KMT2C: variants seen among roughly 807,000 people sequenced by gnomAD.
KMT2C encodes the protein lysine methyltransferase 2C, also known as histone-lysine N-methyltransferase 2C.
A neutral mutation model predicts 507.9 loss-of-function variants in KMT2C; 88 were observed. That is an observed-to-expected ratio of 0.17 (90% confidence interval 0.15 to 0.21). KMT2C has a LOEUF of 0.21. Among genes scored for constraint, KMT2C ranks in the 10% least tolerant of loss-of-function variants. The pLI, the probability that KMT2C is intolerant of heterozygous loss-of-function variation, is 1.00. For missense variants in KMT2C, 4,954 were observed against 5,957.8 expected (o/e 0.83, Z 5.55); for synonymous variants, 2,049 against 2,080.8 (o/e 0.98, Z 0.42).
chr7:152,255,120 T>TACATATATATATATATATATATATATAC (rs1554583676), intron 9 of KMT2C, among the ~76,000 whole-genome samples: 1 of 103,024 alleles, frequency 9.7e-6, no homozygotes, highest in East Asian at 2.6e-4. Flanking sequence ...TATATATATA[T>TACATATATATATATATATATATATATAC]ATATATATAT....
At chr7:152,224,323 T>C (rs183519539) in intron 19 of KMT2C, 112 bp downstream of exon 19, 9 of 1,283,120 alleles carry the variant, frequency 7.0e-6, no homozygotes, top group East Asian at 2.4e-5. Flanking sequence ...GTATCTATCA[T>C]AGAATATGTG....
intron 1 of KMT2C, among the ~76,000 whole-genome samples, chr7:152,401,599 G>A (rs2097574134): frequency 6.6e-6 from 1 of 152,256 alleles, no homozygotes; most frequent in Non-Finnish European, 1.5e-5. Flanking sequence ...GCTGAGGTAG[G>A]AGAATAGCTT....
At chr7:152,334,412 A>G (rs1391412097) in intron 2 of KMT2C, among the ~76,000 whole-genome samples, 1 of 152,212 alleles carries the variant, frequency 6.6e-6, no homozygotes, top group African/African-American at 2.4e-5. Context: ...AGATCATGCC[A>G]TTGCACTCAA....
Position 152,177,981 on chromosome 7 carries a change from G to A in KMT2C, c.7472C>T (p.Thr2491Ile), listed in dbSNP as rs367803873. 76 of 1,273,632 alleles carry A rather than the reference G, an allele frequency of 6.0e-5. No homozygotes were observed. In the Middle Eastern group the frequency reaches 6.7e-4, roughly 11 times the overall value. The allele number at this position is 1,273,632 out of a possible 1,614,324, so 78.9% of individuals were successfully genotyped here. A position where few individuals can be genotyped will look rare whatever the true frequency, so the allele number is the denominator to read the frequency against. Residue 2491 changes from threonine to isoleucine, a missense_variant, in exon 38 of 59, where the codon ACC (threonine) becomes ATC (isoleucine). Physicochemically the swap from Thr to Ile is moderately conservative, Grantham distance 89. This residue lies in a region of KMT2C where 1,689 missense variants were observed against 1,654.3 expected (regional missense o/e 1.02). Transcript: ENST00000262189. ...AAGGAAGCGCTCTTGACTCGGCATG[G>A]TACCATGACTACCTCCTGGAAATCC... ...RFGFPGGSHG[T>I]MPSQERFLVP...
chr7:152,251,830 A>C, intron 11 of KMT2C, 109 bp downstream of exon 11: 1 of 639,674 alleles, frequency 1.6e-6, no homozygotes, highest in Non-Finnish European at 2.4e-6. Flanking sequence ...AACAAGATGG[A>C]ATCTGGAATA....
intron 1 of KMT2C, among the ~76,000 whole-genome samples, chr7:152,412,548 C>T (rs1406330316): frequency 3.9e-5 from 6 of 152,040 alleles, no homozygotes; most frequent in South Asian, 2.1e-4. Context: ...CTCCTGGCTC[C>T]GTAAACAATT....
Position 152,315,282 on chromosome 7 carries a change from T to C in KMT2C, c.446A>G (p.Asp149Gly), listed in dbSNP as rs377103841. 4 of 1,613,852 alleles carry C rather than the reference T, an allele frequency of 2.5e-6. No homozygotes were observed. The African/African-American group carries it at 5.3e-5, about 22-fold the overall frequency. ...AGGCGTTATTCTGAATTGTTTTAAG[T>C]CTCCTTGTCCTAAGGAACTTTTTTC... ...CGEKSSLGQG[D>G]LKQFRITPGF... The change falls in exon 4 of 59, where the codon GAC (aspartate) becomes GGC (glycine). Residue 149 changes from aspartate (D) to glycine (G), a missense_variant. By Grantham distance (94) the Asp-to-Gly change is moderately conservative. Coordinates refer to ENST00000262189, the MANE Select transcript of KMT2C (RefSeq NM_170606.3).
intron 1 of KMT2C, among the ~76,000 whole-genome samples, chr7:152,408,287 C>CA (rs1008641164): frequency 9.8e-5 from 14 of 142,194 alleles, no homozygotes; most frequent in African/African-American, 3.4e-4. Context: ...GACTCCATCT[C>CA]AAAAAAAGAA....
Position 152,136,811 on chromosome 7 carries a change from T to G in KMT2C, c.*21A>C. On this transcript the variant is annotated 3_prime_UTR_variant, in exon 59 of 59. Coordinates refer to ENST00000262189, the MANE Select transcript of KMT2C (RefSeq NM_170606.3). Reference sequence around the variant, plus strand: ...CTCTTCCTAGGGACAAGCCGCCCGCTGAGCTAGCAAGGAATGCATTTCAGT... The same window carrying G: ...CTCTTCCTAGGGACAAGCCGCCCGCGGAGCTAGCAAGGAATGCATTTCAGT... 29 of 1,579,922 alleles carry G rather than the reference T, an allele frequency of 1.8e-5. No homozygotes were observed. The highest frequency in any genetic ancestry group is 2.4e-5 in the Non-Finnish European group (28 of 1,149,368).
chr7:152,415,314 C>A (rs1049373205), intron 1 of KMT2C, among the ~76,000 whole-genome samples: 3 of 146,300 alleles, frequency 2.1e-5, no homozygotes, highest in African/African-American at 8.1e-5. Context: ...TTCTAAAAGT[C>A]AAAAATTCTA....
At chr7:152,220,789 C>T in intron 22 of KMT2C, 54 bp from the exon 23 acceptor site, 1 of 1,351,736 alleles carries the variant, frequency 7.4e-7, no homozygotes, top group Non-Finnish European at 1.1e-6. Flanking sequence ...TCAAATTTGA[C>T]TGATTACTGT....
At chr7:152,268,241 T>C (rs113457392) in intron 7 of KMT2C, among the ~76,000 whole-genome samples, 4 of 152,034 alleles carry the variant, frequency 2.6e-5, no homozygotes, top group African/African-American at 9.7e-5. Flanking sequence ...TTTGCGCCAC[T>C]GCACTCCAGC....
At chr7:152,158,840 T>C (rs1165522752) in intron 44 of KMT2C, 23 bp downstream of exon 44, 4 of 1,608,868 alleles carry the variant, frequency 2.5e-6, no homozygotes, top group East Asian at 2.2e-5. Context: ...TAAAAGAGGC[T>C]GCTCTAAATG....
intron 3 of KMT2C, among the ~76,000 whole-genome samples, chr7:152,320,417 T>A (rs1307384239): frequency 6.6e-6 from 1 of 152,068 alleles, no homozygotes; most frequent in Non-Finnish European, 1.5e-5. Context: ...TCTAGCTAAT[T>A]TTTGTATTTT....
chr7:152,153,337 T>C (rs1031337833), intron 48 of KMT2C, among the ~76,000 whole-genome samples: 4 of 152,228 alleles, frequency 2.6e-5, no homozygotes, highest in African/African-American at 9.6e-5. Flanking sequence ...TTGCTACTGC[T>C]GTATTTTGTT....
chr7:152,166,670 A>C (rs2092742072), intron 42 of KMT2C, among the ~76,000 whole-genome samples: 2 of 152,186 alleles, frequency 1.3e-5, no homozygotes, highest in African/African-American at 4.8e-5. Flanking sequence ...CAAAACATTA[A>C]GAAATAATAA....
At chr7:152,347,459 GGA>G (rs983982897) in intron 2 of KMT2C, among the ~76,000 whole-genome samples, 4 of 152,154 alleles carry the variant, frequency 2.6e-5, no homozygotes, top group Non-Finnish European at 5.9e-5. Flanking sequence ...CCAATTTACT[GGA>G]GAGATGAACT....
At chr7:152,374,703 A>G (rs2097315380) in intron 1 of KMT2C, among the ~76,000 whole-genome samples, 1 of 151,996 alleles carries the variant, frequency 6.6e-6, no homozygotes, top group African/African-American at 2.4e-5. Context: ...GTTCCAGACC[A>G]GCCTGGCCAA....
chr7:152,209,113 TG>T (rs1184820037), intron 23 of KMT2C, among the ~76,000 whole-genome samples: 2 of 140,416 alleles, frequency 1.4e-5, no homozygotes, highest in African/African-American at 5.4e-5. Flanking sequence ...GAGCCGAGAT[TG>T]TGCCATTGCA....
Sources: gnomAD v4.1 joint callset for allele counts (sites outside exome capture counted in the v4.1 genomes callset) on GRCh38, gnomAD v4.1.1 for gene constraint, gnomAD v4.1.1 regional missense constraint, MANE v1.5 for transcripts, NCBI Gene and HGNC (gene_info 2026-07-23, HGNC 2026-07-21) for gene names.